The following CLIC6 variants were observed in gnomAD, a reference collection of about 807,000 sequenced individuals.
CLIC6 encodes the protein chloride intracellular channel protein 6.
In CLIC6, 39 loss-of-function variants were observed where a neutral mutation model predicts 49.2. That is an observed-to-expected ratio of 0.79 (90% CI 0.61 to 1.04). The LOEUF (loss-of-function observed/expected upper bound fraction) is 1.04, where lower values mean the gene tolerates loss of function less well. CLIC6 is among the 50% of genes least tolerant of loss of function. The pLI is 0.00. For synonymous variants in CLIC6, 446 were observed against 433.4 expected (o/e 1.03, Z -0.36); for missense variants, 988 against 993.1 (o/e 0.99, Z 0.07).
intron 2 of CLIC6, among the ~76,000 whole-genome samples, chr21:34,707,680 A>T (rs6517252): frequency 0.16 from 24,563 of 152,056 alleles, 2,134 homozygotes; most frequent in African/African-American, 0.21. Flanking sequence ...GGCTGATAAC[A>T]CTGGGGAGAG....
chr21:34,669,402 CG>C lies in CLIC6; in HGVS notation c.16del (p.Glu6SerfsTer52). The C allele has an allele frequency of 8.1e-7, 1 of 1,236,792 alleles. No homozygotes were observed. Among genetic ancestry groups the C allele is most frequent in the East Asian group, 3.1e-5 (1 of 31,912 alleles). The allele number at this position is 1,236,792 out of a possible 1,614,324, so 76.6% of individuals were successfully genotyped here. MAEA[A>X]EPEGVAPGPQ... ...GGATCTGCGGCCATGGCCGAGGCCG[CG>C]GAGCCGGAGGGGGTTGCCCCGGGTC... On this transcript the variant is annotated frameshift_variant, in exon 1 of 6. Coordinates refer to ENST00000349499, the MANE Select transcript of CLIC6 (RefSeq NM_053277.3). LOFTEE classifies it high-confidence loss of function.
At chr21:34,713,917 A>G (rs1482521374) in intron 5 of CLIC6, among the ~76,000 whole-genome samples, 2 of 152,204 alleles carry the variant, frequency 1.3e-5, no homozygotes, top group Non-Finnish European at 2.9e-5. Context: ...AATGAAATAG[A>G]GTAAAGCCAG....
At chr21:34,689,324 C>T (rs1197744680) in intron 1 of CLIC6, among the ~76,000 whole-genome samples, 1 of 152,140 alleles carries the variant, frequency 6.6e-6, no homozygotes, top group Admixed American at 6.6e-5. Context: ...CCCACAGGTG[C>T]GTGTTGACAT....
intron 1 of CLIC6, among the ~76,000 whole-genome samples, chr21:34,705,084 C>T (rs980279407): frequency 6.6e-6 from 1 of 152,200 alleles, no homozygotes; most frequent in African/African-American, 2.4e-5. Context: ...TGCCCCACTT[C>T]GCAGAACTTA....
chr21:34,690,179 G>A (rs898302507), intron 1 of CLIC6, among the ~76,000 whole-genome samples: 2 of 152,084 alleles, frequency 1.3e-5, no homozygotes, highest in Non-Finnish European at 2.9e-5. Flanking sequence ...TCTCTGGTCC[G>A]GCTCACAGCT....
rs754621091 is a variant in CLIC6 at position 34,709,453 on chromosome 21, T to A, written c.1814T>A (p.Val605Asp). The change falls in exon 5 of 6, where the codon GTC becomes GAC. Residue 605 changes from valine (V) to aspartate (D), a missense_variant. Around this residue, in one of 3 missense-constraint regions of CLIC6, gnomAD observed 647 missense variants for 596.9 expected, o/e 1.08. Transcript: ENST00000349499. ...DEIDAYSTED[V>D]TVSGRKFLDG... Reference sequence around the variant, plus strand: ...ATAGATGCCTACAGCACCGAGGATGTCACTGTTTCTGGAAGGAAGTTTCTG... The same window carrying A: ...ATAGATGCCTACAGCACCGAGGATGACACTGTTTCTGGAAGGAAGTTTCTG... 1.2e-6 allele frequency: 2 copies of A among 1,613,972 alleles called. No homozygotes were observed. The highest frequency in any genetic ancestry group is 1.7e-6 in the Non-Finnish European group (2 of 1,179,846).
intron 5 of CLIC6, among the ~76,000 whole-genome samples, chr21:34,711,202 T>C (rs1184555861): frequency 6.6e-6 from 1 of 152,184 alleles, no homozygotes; most frequent in Non-Finnish European, 1.5e-5. Context: ...TCATGGACTG[T>C]TTGTTCTAAT....
Position 34,705,946 on chromosome 21 carries a change from C to T in CLIC6, c.1375-1334C>T, listed in dbSNP as rs182690709. 5.5e-4 allele frequency: 316 copies of T among 575,986 alleles called. 3 individuals carry two copies. The highest frequency in any genetic ancestry group is 5.3e-3 in the African/African-American group (283 of 53,656). 35.7% of individuals were successfully genotyped at this position (575,986 alleles called of 1,614,324 possible). ...CATGTTAAAAATTCACATTCCTAGG[C>T]CCCATGCAGCAGGACCCACTGAATC... On this transcript the variant is annotated intron_variant, in intron 1 of 5. Transcript: ENST00000349499.
At chr21:34,685,233 G>A (rs768678605) in intron 1 of CLIC6, among the ~76,000 whole-genome samples, 1 of 152,194 alleles carries the variant, frequency 6.6e-6, no homozygotes, top group Non-Finnish European at 1.5e-5. Flanking sequence ...GCCACCTGGG[G>A]ACATGGGGAT....
intron 3 of CLIC6, 40 bp downstream of exon 3, chr21:34,708,109 C>CTT: frequency 6.2e-7 from 1 of 1,610,732 alleles, no homozygotes; most frequent in Non-Finnish European, 8.5e-7. Flanking sequence ...TTGATTGTCA[C>CTT]TTTCCCCCAC....
At chr21:34,702,091 C>A (rs1181475589) in intron 1 of CLIC6, among the ~76,000 whole-genome samples, 1 of 152,150 alleles carries the variant, frequency 6.6e-6, no homozygotes, top group Admixed American at 6.5e-5. Flanking sequence ...CGGCCCCAGG[C>A]GCATGGGAGC....
Position 34,707,896 on chromosome 21 carries a change from C to A in CLIC6, c.1485-48C>A, listed in dbSNP as rs778057787. On this transcript the variant is annotated intron_variant, in intron 2 of 5. Coordinates refer to ENST00000349499, the MANE Select transcript of CLIC6 (RefSeq NM_053277.3). ...ACGCGGCTAAGCCCTGGAAATGAGTCCAGATTCTCACGGTGGCCCATAAAC... is the reference window on the plus strand; with the variant it reads ...ACGCGGCTAAGCCCTGGAAATGAGTACAGATTCTCACGGTGGCCCATAAAC... 2.2e-5 allele frequency: 36 copies of A among 1,608,516 alleles called. No individual in the cohort carries two copies. The African/African-American group carries it at 4.1e-4, about 19-fold the overall frequency.
chr21:34,687,307 C>G (rs890256898), intron 1 of CLIC6, among the ~76,000 whole-genome samples: 4 of 152,132 alleles, frequency 2.6e-5, no homozygotes, highest in African/African-American at 7.2e-5. Flanking sequence ...GAACCTAAAC[C>G]ACCGGGATAT....
chr21:34,683,002 G>A (rs1020843914), intron 1 of CLIC6, among the ~76,000 whole-genome samples: 35 of 151,718 alleles, frequency 2.3e-4, no homozygotes, highest in Non-Finnish European at 5.9e-5. Context: ...TAGTAGAAAC[G>A]GGGTTTCACC....
At chr21:34,685,893 T>G (rs1229459648) in intron 1 of CLIC6, among the ~76,000 whole-genome samples, 2 of 152,194 alleles carry the variant, frequency 1.3e-5, no homozygotes, top group Non-Finnish European at 2.9e-5. Context: ...ACTCCATTGC[T>G]TTTAGACACT....
rs754417831 is a variant in CLIC6, at chr21:34,669,811, G to A, written c.423G>A (p.Ala141=). Residue 141 remains alanine, a synonymous_variant, in exon 1 of 6, where the codon GCG becomes GCA. Coordinates refer to ENST00000349499, the MANE Select transcript of CLIC6 (RefSeq NM_053277.3). ...CGGCCCCCGAGAGGCAGGAGGAGGC[G>A]GAGCAGAGGCCTGAGGTCCCGGAAG... ...DSAAPERQEE[A]EQRPEVPEGS... 5.6e-6 allele frequency: 8 copies of A among 1,421,306 alleles called. No homozygotes were observed. In the South Asian group the frequency reaches 7.3e-5, roughly 13 times the overall value. The allele number at this position is 1,421,306 out of a possible 1,614,324, so 88.0% of individuals were successfully genotyped here. A position where few individuals can be genotyped will look rare whatever the true frequency, so the allele number is the denominator to read the frequency against.
At chr21:34,688,716 C>T (rs138281259) in intron 1 of CLIC6, among the ~76,000 whole-genome samples, 1,815 of 152,238 alleles carry the variant, frequency 0.012, 31 homozygotes, top group African/African-American at 0.042. Flanking sequence ...GACAGCTGAG[C>T]GGACCTCAGT....
intron 1 of CLIC6, among the ~76,000 whole-genome samples, chr21:34,704,872 T>A (rs915059745): frequency 1.3e-5 from 2 of 152,088 alleles, no homozygotes; most frequent in African/African-American, 4.8e-5. Context: ...CCGTGCAATA[T>A]AATTATTCTG....
Position 34,716,435 on chromosome 21 carries a change from C to A in CLIC6, c.2014C>A (p.Gln672Lys). The A allele has an allele frequency of 6.2e-7, 1 of 1,613,782 alleles. No homozygotes were observed. The highest frequency in any genetic ancestry group is 1.1e-5 in the South Asian group (1 of 91,026). The change falls in exon 6 of 6, where the codon CAA becomes AAA. Residue 672 changes from glutamine (Q) to lysine (K), a missense_variant. Around this residue, in one of 3 missense-constraint regions of CLIC6, gnomAD observed 647 missense variants for 596.9 expected, o/e 1.08. Transcript: ENST00000349499. ...GTTCACAAATACGTGTCCAGCTGAT[C>A]AAGAGATTGAACACGCATATTCAGA... The part of the protein sequence containing the change: ...DEFTNTCPAD[Q>K]EIEHAYSDVA...
Sources: allele counts gnomAD v4.1 joint callset (sites outside exome capture counted in the v4.1 genomes callset), GRCh38; gene constraint gnomAD v4.1.1; regional missense constraint gnomAD v4.1.1; transcripts MANE v1.5; gene names NCBI Gene and HGNC (gene_info 2026-07-23, HGNC 2026-07-21).